The following CSMD1 variants were observed in gnomAD, a reference collection of about 807,000 sequenced individuals.
CSMD1 encodes the protein CUB and Sushi multiple domains 1.
Under a neutral mutation model 417.5 loss-of-function variants are expected in CSMD1, and 213 were observed. That is an observed-to-expected ratio of 0.51 (90% CI 0.46 to 0.57). CSMD1 has a LOEUF of 0.57. CSMD1 is among the 20% of genes least tolerant of loss of function. CSMD1 has a pLI of 0.00. For synonymous variants in CSMD1, 2,862 were observed against 1,736.8 expected, an observed-to-expected ratio of 1.65 and a Z score of -16.11; for missense variants, 6,923 against 4,529.7, an observed-to-expected ratio of 1.53 and a Z score of -15.17.
intron 1 of CSMD1, among the ~76,000 whole-genome samples, chr8:4,799,117 C>T (rs1006920167): frequency 6.6e-6 from 1 of 152,106 alleles, no homozygotes; most frequent in Admixed American, 6.6e-5. Flanking sequence ...TGGGTCACGC[C>T]CCTGGGATCT....
At chr8:4,414,548 G>A (rs117839828) in intron 3 of CSMD1, among the ~76,000 whole-genome samples, 2,241 of 152,100 alleles carry the variant, frequency 0.015, 27 homozygotes, top group Middle Eastern at 0.031. Flanking sequence ...AATAAACTAC[G>A]ATCCATACTA....
intron 1 of CSMD1, among the ~76,000 whole-genome samples, chr8:4,699,075 G>C (rs55743946): frequency 0.015 from 2,269 of 152,186 alleles, 28 homozygotes; most frequent in South Asian, 0.058. Context: ...CTTTGACGTA[G>C]ATGTCCTGCT....
Position 3,644,712 on chromosome 8 carries a change from A to C in CSMD1, c.1010-27915T>G, listed in dbSNP as rs572434353. Among the ~76,000 whole-genome samples the C allele has an allele frequency of 7.2e-5, 11 of 152,184 alleles. No homozygotes were observed. The South Asian group carries it at 2.3e-3, about 32-fold the overall frequency. On this transcript the variant is annotated intron_variant, in intron 7 of 69. Transcript: ENST00000635120. ...AGCCAGTGAATGAGTTACAGGGTTT[A>C]TTTGTGGGGCCTGTCAGGGGGGTGC...
chr8:4,720,404 ACTT>A (rs1485454986), intron 1 of CSMD1, among the ~76,000 whole-genome samples: 6 of 152,020 alleles, frequency 3.9e-5, no homozygotes, highest in Non-Finnish European at 8.8e-5. Context: ...ATCAGCTACT[ACTT>A]CTCATTTGAA....
chr8:3,887,454 G>A (rs950122069), intron 5 of CSMD1, among the ~76,000 whole-genome samples: 7 of 152,104 alleles, frequency 4.6e-5, no homozygotes, highest in African/African-American at 1.7e-4. Context: ...ATGAAAGTGG[G>A]GCTAATTTTG....
At chr8:4,107,823 A>C (rs1801645435) in intron 3 of CSMD1, among the ~76,000 whole-genome samples, 2 of 152,226 alleles carry the variant, frequency 1.3e-5, no homozygotes, top group South Asian at 4.1e-4. Flanking sequence ...CTGCTTTATA[A>C]GAACGAAGAG....
At chr8:4,712,117 G>A (rs1019885852) in intron 1 of CSMD1, among the ~76,000 whole-genome samples, 1 of 152,118 alleles carries the variant, frequency 6.6e-6, no homozygotes, top group Non-Finnish European at 1.5e-5. Flanking sequence ...TCAATCAATG[G>A]GACTGACCGT....
intron 5 of CSMD1, among the ~76,000 whole-genome samples, chr8:3,772,923 T>C (rs572254697): frequency 2.0e-5 from 3 of 152,192 alleles, no homozygotes; most frequent in Middle Eastern, 3.4e-3. Flanking sequence ...GACATGTTTA[T>C]GGCTCACAGT....
intron 5 of CSMD1, among the ~76,000 whole-genome samples, chr8:3,902,994 T>C (rs556120210): frequency 6.6e-6 from 1 of 152,240 alleles, no homozygotes; most frequent in African/African-American, 2.4e-5. Context: ...GTTTTATTCT[T>C]TCTAGTCTTA....
In CSMD1 at chr8:3,284,742, T is replaced by C. The variant is rs149560584; in HGVS notation, c.3951-396A>G. The C allele has an allele frequency of 4.3e-4, 81 of 187,234 alleles. 2 individuals carry two copies. In the East Asian group the frequency reaches 0.011, roughly 25 times the overall value. 11.6% of individuals were successfully genotyped at this position (187,234 alleles called of 1,614,324 possible). A position where few individuals can be genotyped will look rare whatever the true frequency, so the allele number is the denominator to read the frequency against. ...TGGAAGGCAGCTTCGGTGCAGTCAG[T>C]GTTGTTCACGAAATGCCCCGCTAGG... On this transcript the variant is annotated intron_variant, in intron 25 of 69. Coordinates refer to ENST00000635120, the MANE Select transcript of CSMD1 (RefSeq NM_033225.6).
chr8:4,008,415 T>G (rs906605933), intron 4 of CSMD1, among the ~76,000 whole-genome samples: 1 of 150,374 alleles, frequency 6.7e-6, no homozygotes, highest in Admixed American at 6.6e-5. Flanking sequence ...TATTATATAA[T>G]TTTTTTTTAT....
chr8:3,786,264 G>A (rs947655386), intron 5 of CSMD1, among the ~76,000 whole-genome samples: 59 of 152,072 alleles, frequency 3.9e-4, no homozygotes, highest in Non-Finnish European at 1.0e-4. Flanking sequence ...AGGCAAGAGT[G>A]GATACATGGG....
chr8:2,991,945 C>T (rs539818276), intron 54 of CSMD1, among the ~76,000 whole-genome samples: 100 of 152,290 alleles, frequency 6.6e-4, no homozygotes, highest in African/African-American at 2.3e-3. Context: ...ATTTCCTACT[C>T]TACTGTCAAG....
intron 3 of CSMD1, among the ~76,000 whole-genome samples, chr8:4,403,205 C>T (rs1804768913): frequency 1.3e-5 from 2 of 152,170 alleles, no homozygotes; most frequent in South Asian, 4.1e-4. Flanking sequence ...ATTACTCAAC[C>T]AATTTTCTTT....
intron 3 of CSMD1, among the ~76,000 whole-genome samples, chr8:4,042,328 T>A (rs1414825658): frequency 6.6e-6 from 1 of 152,058 alleles, no homozygotes; most frequent in African/African-American, 2.4e-5. Flanking sequence ...GAGACAAAGA[T>A]AAAGGGGCCA....
At chr8:2,986,931 G>T (rs1195561035) in intron 54 of CSMD1, among the ~76,000 whole-genome samples, 1 of 151,650 alleles carries the variant, frequency 6.6e-6, no homozygotes, top group Non-Finnish European at 1.5e-5. Flanking sequence ...AATTACTTTT[G>T]CATCGACCTA....
At chr8:4,515,891 A>C (rs141945656) in intron 2 of CSMD1, among the ~76,000 whole-genome samples, 4 of 152,278 alleles carry the variant, frequency 2.6e-5, no homozygotes, top group Non-Finnish European at 5.9e-5. Context: ...TACACATCCA[A>C]TTATTTTAAA....
chr8:3,918,972 C>T (rs565101570), intron 5 of CSMD1, among the ~76,000 whole-genome samples: 3 of 151,944 alleles, frequency 2.0e-5, no homozygotes, highest in Admixed American at 2.0e-4. Context: ...CACAAATCAC[C>T]ACTAAAAAAC....
chr8:3,282,088 A>G (rs905575815), intron 26 of CSMD1, among the ~76,000 whole-genome samples: 1 of 152,204 alleles, frequency 6.6e-6, no homozygotes, highest in Non-Finnish European at 1.5e-5. Flanking sequence ...TTGTGACTCA[A>G]TTAAACCTCT....
Sources: gnomAD v4.1 joint callset for allele counts (sites outside exome capture counted in the v4.1 genomes callset) on GRCh38, gnomAD v4.1.1 for gene constraint, MANE v1.5 for transcripts, NCBI Gene and HGNC (gene_info 2026-07-23, HGNC 2026-07-21) for gene names.